Variants in ZNF585B observed in about 807,000 individuals in gnomAD.
ZNF585B encodes the protein zinc finger protein 585B.
In ZNF585B, 7 loss-of-function variants were observed where a neutral mutation model predicts 14.0. That is an observed-to-expected ratio of 0.50 (90% CI 0.28 to 0.94). The LOEUF (loss-of-function observed/expected upper bound fraction) is 0.94, where lower values mean the gene tolerates loss of function less well. Ranked by LOEUF, ZNF585B falls within the 40% of genes least tolerant of loss-of-function variation. ZNF585B has a pLI of 0.09. For missense variants in ZNF585B, 750 were observed against 924.4 expected (o/e 0.81, Z 2.45); for synonymous variants, 290 against 317.3 (o/e 0.91, Z 0.91).
chr19:37,208,322 CA>C (rs903891056), intron 1 of ZNF585B, among the ~76,000 whole-genome samples: 60 of 152,224 alleles, frequency 3.9e-4, no homozygotes, highest in African/African-American at 1.4e-3. Flanking sequence ...CATTTAAATA[CA>C]TGCATTTTTT....
chr19:37,184,887 TA>T lies in ZNF585B; in HGVS notation c.*339del, dbSNP rs773491580. 4 of 446,412 alleles carry T rather than the reference TA, an allele frequency of 9.0e-6. No homozygotes were observed. The highest frequency in any genetic ancestry group is 1.2e-5 in the Non-Finnish European group (3 of 254,670). The allele number at this position is 446,412 out of a possible 1,614,324, so 27.7% of individuals were successfully genotyped here. A position where few individuals can be genotyped will look rare whatever the true frequency, so the allele number is the denominator to read the frequency against. ...TGTTGGCACTATACCTAATCCACAG[TA>T]AACAGGATTATCATTCCCATAATAT... On this transcript the variant is annotated 3_prime_UTR_variant, in exon 5 of 5. Coordinates refer to ENST00000532828, the MANE Select transcript of ZNF585B (RefSeq NM_152279.4).
intron 3 of ZNF585B, 73 bp from the exon 4 acceptor site, chr19:37,189,826 G>A (rs1972379865): frequency 1.3e-6 from 2 of 1,598,974 alleles, no homozygotes; most frequent in African/African-American, 1.3e-5. Flanking sequence ...CAGTCTTATT[G>A]TTCAATGATG....
intron 2 of ZNF585B, among the ~76,000 whole-genome samples, chr19:37,206,370 G>A (rs1972587390): frequency 6.6e-6 from 1 of 150,820 alleles, no homozygotes; most frequent in African/African-American, 2.4e-5. Flanking sequence ...AGAATCTCTT[G>A]AACCCAGGAG....
chr19:37,209,790 A>G (rs1480280676), intron 1 of ZNF585B, among the ~76,000 whole-genome samples: 1 of 140,296 alleles, frequency 7.1e-6, no homozygotes, highest in African/African-American at 2.7e-5. Context: ...ATCTGGGCTC[A>G]CCGCAAGCTC....
chr19:37,208,452 A>G (rs1306361011), intron 1 of ZNF585B, among the ~76,000 whole-genome samples: 1 of 152,194 alleles, frequency 6.6e-6, no homozygotes, highest in Non-Finnish European at 1.5e-5. Context: ...AGAAAAAAAC[A>G]GGTATTTCTG....
chr19:37,184,701 T>C lies in ZNF585B; in HGVS notation c.*526A>G, dbSNP rs549679532. ...GAGTTTGTCTTATTGCAGTATCTCT[T>C]GCTTGATAGAAATACTCAATGGGGA... On this transcript the variant is annotated 3_prime_UTR_variant, in exon 5 of 5. Coordinates refer to ENST00000532828, the MANE Select transcript of ZNF585B (RefSeq NM_152279.4). 10 of 261,144 alleles carry C rather than the reference T, an allele frequency of 3.8e-5. No individual in the cohort carries two copies. Among genetic ancestry groups the C allele is most frequent in the Non-Finnish European group, 6.5e-5 (9 of 139,308 alleles). 16.2% of individuals were successfully genotyped at this position (261,144 alleles called of 1,614,324 possible). A position where few individuals can be genotyped will look rare whatever the true frequency, so the allele number is the denominator to read the frequency against.
chr19:37,188,584 A>G (rs900719549), intron 4 of ZNF585B, among the ~76,000 whole-genome samples: 4 of 152,088 alleles, frequency 2.6e-5, no homozygotes, highest in Non-Finnish European at 5.9e-5. Context: ...CAAGAGAATC[A>G]TTTGAACCTG....
In ZNF585B at chr19:37,193,019, C is replaced by T. The variant is rs573695453; in HGVS notation, c.73-2869G>A. 1.3e-4 allele frequency among the ~76,000 whole-genome samples: 20 copies of T among 151,836 alleles called. No individual in the cohort carries two copies. The South Asian group carries it at 3.3e-3, about 25-fold the overall frequency. On this transcript the variant is annotated intron_variant, in intron 2 of 4. Coordinates refer to ENST00000532828, the MANE Select transcript of ZNF585B (RefSeq NM_152279.4). ...GCACAGTGGCACATGCCTGGAATCC[C>T]GGCTACTTGGGAGACTGAGGCAAGC...
At chr19:37,192,994 G>C (rs1348963078) in intron 2 of ZNF585B, among the ~76,000 whole-genome samples, 3 of 151,800 alleles carry the variant, frequency 2.0e-5, no homozygotes, top group African/African-American at 7.3e-5. Flanking sequence ...AATTAGCTGG[G>C]CACAGTGGCA....
chr19:37,193,118 G>C (rs1972421325), intron 2 of ZNF585B, among the ~76,000 whole-genome samples: 1 of 152,018 alleles, frequency 6.6e-6, no homozygotes, highest in Admixed American at 6.6e-5. Flanking sequence ...CTGGGCGACA[G>C]TGCAAGACTC....
At chr19:37,210,085 G>T (rs1203873815) in intron 1 of ZNF585B, among the ~76,000 whole-genome samples, 1 of 152,030 alleles carries the variant, frequency 6.6e-6, no homozygotes, top group Non-Finnish European at 1.5e-5. Flanking sequence ...TAAACACTTA[G>T]ATTTGAACAA....
In ZNF585B at chr19:37,185,198, C is replaced by T. The variant is rs771829264; in HGVS notation, c.*29G>A. On this transcript the variant is annotated 3_prime_UTR_variant, in exon 5 of 5. Coordinates refer to ENST00000532828, the MANE Select transcript of ZNF585B (RefSeq NM_152279.4). ...CAACAGTGTACAATCAGACCCAACC[C>T]TCAGGGGGGTTTTCTCACACTGTTT... 11 of 1,583,268 alleles carry T rather than the reference C, an allele frequency of 6.9e-6. No homozygotes were observed. The highest frequency in any genetic ancestry group is 4.7e-5 in the South Asian group (4 of 84,530).
chr19:37,200,053 TAATAAAATAA>T (rs74174449), intron 2 of ZNF585B, among the ~76,000 whole-genome samples: 43,403 of 144,462 alleles, frequency 0.3, 7,177 homozygotes, highest in East Asian at 0.64. Flanking sequence ...CAAAAATAAA[TAATAAAATAA>T]AATAAAATAA....
rs758007479 is a variant in ZNF585B at position 37,186,797 on chromosome 19, C to T, written c.740G>A (p.Cys247Tyr). 1.2e-6 allele frequency: 2 copies of T among 1,614,184 alleles called. No homozygotes were observed. Among genetic ancestry groups the T allele is most frequent in the Non-Finnish European group, 1.7e-6 (2 of 1,180,026 alleles). Residue 247 changes from cysteine to tyrosine, a missense_variant, in exon 5 of 5, where the codon TGT (cysteine) becomes TAT (tyrosine). Cys to Tyr is a radical substitution (Grantham distance 194). Around this residue, in one of 2 missense-constraint regions of ZNF585B, gnomAD observed 517 missense variants for 570.3 expected, o/e 0.91. Coordinates refer to ENST00000532828, the MANE Select transcript of ZNF585B (RefSeq NM_152279.4). ...GGACTTTTGTGTGAACGCTTTGCCA[C>T]AGTCAGTGCATTCATGGTGTCTCTC... ...TGERHHECTD[C>Y]GKAFTQKSTL...
At position 37,199,160 on chromosome 19, in the gene ZNF585B, A is replaced by G. The variant is rs535262472; in HGVS notation, c.72+7880T>C. The G allele has an allele frequency of 3.1e-4, 170 of 543,412 alleles. 3 individuals carry two copies. In the South Asian group the frequency reaches 3.6e-3, roughly 12 times the overall value. 33.7% of individuals were successfully genotyped at this position (543,412 alleles called of 1,614,324 possible). On this transcript the variant is annotated intron_variant, in intron 2 of 4. Transcript: ENST00000532828. ...ACCCCCAAACCCTATGTTATCAAGAATTTAGTAGGAACACGAGATGTCATG... is the reference window on the plus strand; with the variant it reads ...ACCCCCAAACCCTATGTTATCAAGAGTTTAGTAGGAACACGAGATGTCATG...
chr19:37,195,345 C>CAAA (rs71177429), intron 2 of ZNF585B, among the ~76,000 whole-genome samples: 1,796 of 14,326 alleles, frequency 0.13, 369 homozygotes, highest in Non-Finnish European at 0.19. Flanking sequence ...GACTCTGACT[C>CAAA]AAAAAAAAAA....
intron 2 of ZNF585B, among the ~76,000 whole-genome samples, chr19:37,195,345 CAA>C (rs71177429): frequency 6.0e-3 from 85 of 14,260 alleles, no homozygotes; most frequent in African/African-American, 0.014. Context: ...GACTCTGACT[CAA>C]AAAAAAAAAA....
chr19:37,185,299 G>A lies in ZNF585B; in HGVS notation c.2238C>T (p.Tyr746=), dbSNP rs752464602. The A allele has an allele frequency of 3.1e-6, 5 of 1,614,058 alleles. No homozygotes were observed. The Admixed American group carries it at 8.3e-5, about 27-fold the overall frequency. ...AGCCTTTCCCACAGATGCCACACTTGTAGGGTTTGTCTCCAGTGTGTGTTG... is the reference window on the plus strand; with the variant it reads ...AGCCTTTCCCACAGATGCCACACTTATAGGGTTTGTCTCCAGTGTGTGTTG... ...HQTTHTGDKP[Y]KCGICGKGFV... is the part of the protein sequence containing the mutation. Residue 746 remains tyrosine (Y), a synonymous_variant, in exon 5 of 5, where the codon TAC becomes TAT. Transcript: ENST00000532828.
intron 1 of ZNF585B, among the ~76,000 whole-genome samples, chr19:37,210,050 A>G (rs1476345969): frequency 1.3e-5 from 2 of 152,128 alleles, no homozygotes; most frequent in African/African-American, 4.8e-5. Flanking sequence ...TGGGTCAAAG[A>G]AAAACAATTA....
Sources: gnomAD v4.1 joint callset for allele counts (sites outside exome capture counted in the v4.1 genomes callset) on GRCh38, gnomAD v4.1.1 for gene constraint, gnomAD v4.1.1 regional missense constraint, MANE v1.5 for transcripts, NCBI Gene and HGNC (gene_info 2026-07-23, HGNC 2026-07-21) for gene names.